The following PTPRN2 variants were observed in gnomAD, a reference collection of about 807,000 sequenced individuals.
PTPRN2 encodes protein tyrosine phosphatase receptor type N2.
Under a neutral mutation model 118.8 loss-of-function variants are expected in PTPRN2, and 74 were observed. That is an observed-to-expected ratio of 0.62 (90% CI 0.52 to 0.76). The LOEUF (loss-of-function observed/expected upper bound fraction) is 0.76, where lower values mean the gene tolerates loss of function less well. PTPRN2 is among the 30% of genes least tolerant of loss of function. PTPRN2 has a pLI of 0.00. For missense variants in PTPRN2, 1,481 were observed against 1,394.4 expected, an observed-to-expected ratio of 1.06 and a Z score of -0.99; for synonymous variants, 641 against 608.0, an observed-to-expected ratio of 1.05 and a Z score of -0.80.
chr7:157,930,899 GT>G (rs141068776), intron 11 of PTPRN2, among the ~76,000 whole-genome samples: 28,973 of 151,318 alleles, frequency 0.19, 2,863 homozygotes, highest in Middle Eastern at 0.21. Flanking sequence ...ATTTTTTTTC[GT>G]TTTTTTTTGT....
At chr7:158,458,728 A>G (rs138510196) in intron 2 of PTPRN2, among the ~76,000 whole-genome samples, 1 of 152,150 alleles carries the variant, frequency 6.6e-6, no homozygotes, top group African/African-American at 2.4e-5. Context: ...CCTACTGTGA[A>G]GCCGGTACCC....
intron 12 of PTPRN2, among the ~76,000 whole-genome samples, chr7:157,714,295 G>A (rs1039512615): frequency 7.9e-5 from 12 of 152,350 alleles, no homozygotes; most frequent in Admixed American, 2.6e-4. Context: ...AGTACAGTCC[G>A]TTAAACTGCG....
intron 3 of PTPRN2, among the ~76,000 whole-genome samples, chr7:158,265,860 C>T (rs938452682): frequency 1.3e-5 from 2 of 152,224 alleles, no homozygotes. Context: ...CCCACAGAGC[C>T]CCGCCATGGA....
At chr7:157,670,327 GA>G (rs140616581) in intron 13 of PTPRN2, among the ~76,000 whole-genome samples, 2,930 of 152,234 alleles carry the variant, frequency 0.019, 107 homozygotes, top group East Asian at 0.13. Context: ...TTTTCTTAGG[GA>G]CTGCCTCTCC....
chr7:157,912,109 A>G (rs931023059), intron 11 of PTPRN2, among the ~76,000 whole-genome samples: 1 of 152,196 alleles, frequency 6.6e-6, no homozygotes, highest in African/African-American at 2.4e-5. Context: ...AATCACTAAG[A>G]CATAGATGTC....
intron 12 of PTPRN2, among the ~76,000 whole-genome samples, chr7:157,723,658 T>G (rs13234901): frequency 0.58 from 88,344 of 152,108 alleles, 26,294 homozygotes; most frequent in Non-Finnish European, 0.62. Context: ...ACTGTGGAAG[T>G]TCTATGCACT....
chr7:158,374,042 C>T (rs112807558), intron 2 of PTPRN2, among the ~76,000 whole-genome samples: 10 of 152,348 alleles, frequency 6.6e-5, no homozygotes, highest in East Asian at 5.8e-4. Flanking sequence ...GGCAACACGA[C>T]GCCCACGCGC....
chr7:158,150,587 T>G (rs1286793441), intron 6 of PTPRN2, among the ~76,000 whole-genome samples: 1 of 152,056 alleles, frequency 6.6e-6, no homozygotes, highest in East Asian at 1.9e-4. Context: ...AAGGAGCATC[T>G]ATATGGAAAG....
At chr7:158,302,036 T>G (rs995908231) in intron 3 of PTPRN2, among the ~76,000 whole-genome samples, 3 of 152,220 alleles carry the variant, frequency 2.0e-5, no homozygotes, top group Non-Finnish European at 2.9e-5. Flanking sequence ...ATTACTCTAG[T>G]ACTGCTAAGG....
chr7:158,147,272 C>T (rs1820189642), intron 6 of PTPRN2, among the ~76,000 whole-genome samples: 1 of 109,930 alleles, frequency 9.1e-6, no homozygotes, highest in Non-Finnish European at 2.0e-5. Context: ...CACCCCATCT[C>T]ACGCCACGTG....
intron 3 of PTPRN2, among the ~76,000 whole-genome samples, chr7:158,235,389 T>C (rs575700514): frequency 6.6e-6 from 1 of 152,224 alleles, no homozygotes; most frequent in East Asian, 1.9e-4. Context: ...GCAGAATATA[T>C]ACACAATGGA....
At chr7:157,878,163 C>A (rs1795892841) in intron 12 of PTPRN2, among the ~76,000 whole-genome samples, 1 of 152,242 alleles carries the variant, frequency 6.6e-6, no homozygotes, top group African/African-American at 2.4e-5. Context: ...CCAAAAGATA[C>A]CCTCTTGGTG....
chr7:157,996,987 A>C (rs1276489668), intron 11 of PTPRN2, among the ~76,000 whole-genome samples: 1 of 152,142 alleles, frequency 6.6e-6, no homozygotes, highest in African/African-American at 2.4e-5. Flanking sequence ...ATCTGTCACC[A>C]AGCTCTAAGT....
chr7:157,771,963 G>C (rs115644128), intron 12 of PTPRN2, among the ~76,000 whole-genome samples: 8,693 of 125,006 alleles, frequency 0.07, 276 homozygotes, highest in Middle Eastern at 0.09. Flanking sequence ...CATACAGACA[G>C]ACACACACAC....
At chr7:157,786,836 G>T (rs775835019) in intron 12 of PTPRN2, among the ~76,000 whole-genome samples, 1 of 152,248 alleles carries the variant, frequency 6.6e-6, no homozygotes, top group Admixed American at 6.5e-5. Context: ...ACATTCCAGC[G>T]GCTTTGGCCT....
At chr7:158,359,730 C>T (rs769171534) in intron 2 of PTPRN2, among the ~76,000 whole-genome samples, 25 of 152,158 alleles carry the variant, frequency 1.6e-4, no homozygotes, top group Admixed American at 2.6e-4. Flanking sequence ...GTGGTGTTGT[C>T]GATGAACGGA....
intron 11 of PTPRN2, among the ~76,000 whole-genome samples, chr7:157,993,434 TC>T (rs1193111089): frequency 2.6e-5 from 4 of 151,966 alleles, no homozygotes; most frequent in Admixed American, 2.6e-4. Flanking sequence ...TGCTTTTTTT[TC>T]CTCCCCTTTC....
chr7:157,846,480 A>G (rs1452912817), intron 12 of PTPRN2, among the ~76,000 whole-genome samples: 1 of 150,648 alleles, frequency 6.6e-6, no homozygotes, highest in Non-Finnish European at 1.5e-5. Flanking sequence ...GGTGATACTA[A>G]GCTGCTGTGG....
At chr7:157,662,978 C>T (rs1795967733) in intron 13 of PTPRN2, among the ~76,000 whole-genome samples, 2 of 152,170 alleles carry the variant, frequency 1.3e-5, no homozygotes, top group South Asian at 2.1e-4. Context: ...GTTCACACCT[C>T]ATTCAACCCA....
Sources: allele counts gnomAD v4.1 joint callset (sites outside exome capture counted in the v4.1 genomes callset), GRCh38; gene constraint gnomAD v4.1.1; transcripts MANE v1.5; gene names NCBI Gene and HGNC (gene_info 2026-07-23, HGNC 2026-07-21).